Variants in ITFG1 observed in about 807,000 individuals in gnomAD.
The protein encoded by ITFG1 is T-cell immunomodulatory protein.
ITFG1 carries 34 observed loss-of-function variants against 81.8 expected under a neutral mutation model. That is an observed-to-expected ratio of 0.42 (90% CI 0.32 to 0.55). The LOEUF is 0.55. Among genes scored for constraint, ITFG1 ranks in the 20% least tolerant of loss-of-function variants. ITFG1 has a pLI of 0.17. For synonymous variants in ITFG1, 285 were observed against 270.6 expected, an observed-to-expected ratio of 1.05 and a Z score of -0.52; for missense variants, 672 against 755.4, an observed-to-expected ratio of 0.89 and a Z score of 1.29.
At chr16:47,347,218 A>T (rs1967869165) in intron 8 of ITFG1, among the ~76,000 whole-genome samples, 1 of 152,236 alleles carries the variant, frequency 6.6e-6, no homozygotes, top group African/African-American at 2.4e-5. Flanking sequence ...GGTGCAGCGC[A>T]CTGAGCGTGA....
intron 10 of ITFG1, among the ~76,000 whole-genome samples, chr16:47,284,969 A>C (rs1295090010): frequency 6.6e-6 from 1 of 152,228 alleles, no homozygotes; most frequent in East Asian, 1.9e-4. Context: ...TACATAGAAC[A>C]ACATCAGAAT....
At chr16:47,280,141 C>T (rs1455550782) in intron 10 of ITFG1, among the ~76,000 whole-genome samples, 1 of 152,036 alleles carries the variant, frequency 6.6e-6, no homozygotes, top group African/African-American at 2.4e-5. Context: ...GTAAGACTTC[C>T]AGTACTAGGT....
chr16:47,178,423 A>G (rs573520941), intron 14 of ITFG1, among the ~76,000 whole-genome samples: 31 of 152,330 alleles, frequency 2.0e-4, no homozygotes, highest in African/African-American at 7.0e-4. Context: ...ATAATACCAC[A>G]CATCTACAAC....
At chr16:47,421,525 G>C (rs964485176) in intron 6 of ITFG1, among the ~76,000 whole-genome samples, 28 of 151,974 alleles carry the variant, frequency 1.8e-4, no homozygotes, top group Admixed American at 1.5e-3. Flanking sequence ...GGATGGTCTT[G>C]ATCTCCTGAC....
At chr16:47,342,732 A>C (rs1223767060) in intron 8 of ITFG1, among the ~76,000 whole-genome samples, 1 of 152,150 alleles carries the variant, frequency 6.6e-6, no homozygotes, top group Non-Finnish European at 1.5e-5. Flanking sequence ...ATCCCCCAAA[A>C]ATTTAGCAAG....
At chr16:47,255,747 C>T (rs1966131537) in intron 12 of ITFG1, among the ~76,000 whole-genome samples, 1 of 152,126 alleles carries the variant, frequency 6.6e-6, no homozygotes, top group South Asian at 2.1e-4. Context: ...AGAGGCTGCT[C>T]TTAAGTTGCT....
At chr16:47,405,060 C>T (rs1028960816) in intron 6 of ITFG1, among the ~76,000 whole-genome samples, 1 of 151,950 alleles carries the variant, frequency 6.6e-6, no homozygotes, top group African/African-American at 2.4e-5. Context: ...TATCGTCTCC[C>T]AATTTGTGGC....
chr16:47,442,087 C>A (rs905782769), intron 5 of ITFG1, among the ~76,000 whole-genome samples: 9 of 152,078 alleles, frequency 5.9e-5, no homozygotes, highest in Admixed American at 4.6e-4. Context: ...ACAATGGTTT[C>A]AAAGAGAATC....
At chr16:47,183,358 C>G (rs1965159630) in intron 14 of ITFG1, among the ~76,000 whole-genome samples, 1 of 152,178 alleles carries the variant, frequency 6.6e-6, no homozygotes, top group African/African-American at 2.4e-5. Flanking sequence ...CAGCAGTAAC[C>G]TCTGCAGACT....
intron 6 of ITFG1, among the ~76,000 whole-genome samples, chr16:47,409,216 A>C (rs1477198341): frequency 6.7e-6 from 1 of 150,306 alleles, no homozygotes; most frequent in Non-Finnish European, 1.5e-5. Flanking sequence ...CGAGAGAAAA[A>C]CTATGGAAAA....
intron 6 of ITFG1, among the ~76,000 whole-genome samples, chr16:47,401,351 T>A (rs1432888293): frequency 6.6e-6 from 1 of 152,090 alleles, no homozygotes; most frequent in African/African-American, 2.4e-5. Context: ...ATAAGATACA[T>A]AAATTTGGGA....
chr16:47,201,703 C>T (rs573697278), intron 14 of ITFG1, among the ~76,000 whole-genome samples: 1 of 152,108 alleles, frequency 6.6e-6, no homozygotes, highest in East Asian at 1.9e-4. Context: ...AAATTTATTT[C>T]ACATGGGCAC....
At chr16:47,340,997 C>T (rs549479036) in intron 8 of ITFG1, among the ~76,000 whole-genome samples, 1 of 151,920 alleles carries the variant, frequency 6.6e-6, no homozygotes, top group Non-Finnish European at 1.5e-5. Context: ...AGCACATTCT[C>T]TAATCACAAT....
intron 13 of ITFG1, among the ~76,000 whole-genome samples, chr16:47,221,309 G>C (rs1056942518): frequency 2.6e-5 from 4 of 152,114 alleles, no homozygotes; most frequent in African/African-American, 9.7e-5. Flanking sequence ...GTTGAATTTT[G>C]TCAAAGGCCT....
intron 6 of ITFG1, among the ~76,000 whole-genome samples, chr16:47,412,363 T>C (rs1968821833): frequency 6.6e-6 from 1 of 151,330 alleles, no homozygotes; most frequent in Non-Finnish European, 1.5e-5. Flanking sequence ...TCCAAGAAAA[T>C]GATCCAAGAG....
chr16:47,457,974 ATGAGTT>A (rs1969475357), intron 2 of ITFG1, among the ~76,000 whole-genome samples: 1 of 152,226 alleles, frequency 6.6e-6, no homozygotes, highest in African/African-American at 2.4e-5. Flanking sequence ...TCTTTTTAAC[ATGAGTT>A]TGAGTTTACT....
At chr16:47,391,400 A>C (rs1380397512) in intron 6 of ITFG1, among the ~76,000 whole-genome samples, 2 of 152,216 alleles carry the variant, frequency 1.3e-5, no homozygotes, top group African/African-American at 4.8e-5. Context: ...TCTATGAGAC[A>C]TTCAAATAAC....
intron 7 of ITFG1, among the ~76,000 whole-genome samples, chr16:47,375,141 C>T (rs1322354122): frequency 6.6e-6 from 1 of 152,138 alleles, no homozygotes; most frequent in Non-Finnish European, 1.5e-5. Context: ...TTCATTTGAT[C>T]TTCATAAAGA....
chr16:47,461,058 GC>G lies in ITFG1; in HGVS notation c.-14del. The G allele has an allele frequency of 6.6e-7, 1 of 1,519,388 alleles. No homozygotes were observed. The allele number at this position is 1,519,388 out of a possible 1,614,324, so 94.1% of individuals were successfully genotyped here. A position where few individuals can be genotyped will look rare whatever the true frequency, so the allele number is the denominator to read the frequency against. On this transcript the variant is annotated 5_prime_UTR_variant, in exon 1 of 18. Transcript: ENST00000320640. ...CCGCCGCCGCCATGGCAGCCCCTCA[GC>G]CCCCGCCCGCCGGCCCAACGCCGCG...
Sources: gnomAD v4.1 joint callset for allele counts (sites outside exome capture counted in the v4.1 genomes callset) on GRCh38, gnomAD v4.1.1 for gene constraint, MANE v1.5 for transcripts, NCBI Gene and HGNC (gene_info 2026-07-23, HGNC 2026-07-21) for gene names.